The following SGTB variants were observed in gnomAD, a reference collection of about 807,000 sequenced individuals.
SGTB encodes the protein small glutamine-rich tetratricopeptide repeat-containing protein beta.
In SGTB, 19 loss-of-function variants were observed where a neutral mutation model predicts 43.9. The ratio of observed to expected loss-of-function variants is 0.43; its 90% CI spans 0.30 to 0.63. The LOEUF (loss-of-function observed/expected upper bound fraction) is 0.63, where lower values mean the gene tolerates loss of function less well. Ranked by LOEUF, SGTB falls within the 30% of genes least tolerant of loss-of-function variation. The pLI, the probability that SGTB is intolerant of heterozygous loss-of-function variation, is 0.12. For synonymous variants in SGTB, 116 were observed against 117.3 expected, an observed-to-expected ratio of 0.99 and a Z score of 0.07; for missense variants, 304 against 358.9, an observed-to-expected ratio of 0.85 and a Z score of 1.24.
At chr5:65,699,757 C>T (rs1757778495) in intron 5 of SGTB, among the ~76,000 whole-genome samples, 2 of 152,130 alleles carry the variant, frequency 1.3e-5, no homozygotes, top group Non-Finnish European at 2.9e-5. Flanking sequence ...TGCACCCAGC[C>T]AACTTGTTAT....
At chr5:65,675,336 TACTC>T (rs1361403600) in intron 8 of SGTB, among the ~76,000 whole-genome samples, 1 of 152,140 alleles carries the variant, frequency 6.6e-6, no homozygotes, top group African/African-American at 2.4e-5. Context: ...AATGGCCAAA[TACTC>T]AAACTGCAGA....
chr5:65,677,020 A>C (rs1160567454), intron 8 of SGTB, among the ~76,000 whole-genome samples: 1 of 151,970 alleles, frequency 6.6e-6, no homozygotes, highest in Non-Finnish European at 1.5e-5. Flanking sequence ...CCTTCAAAAA[A>C]AAAAAAAATG....
intron 5 of SGTB, among the ~76,000 whole-genome samples, chr5:65,686,156 T>C (rs1161062412): frequency 6.6e-6 from 1 of 152,054 alleles, no homozygotes; most frequent in Non-Finnish European, 1.5e-5. Context: ...TGCTCAGAAG[T>C]CAAAGTGGGG....
chr5:65,677,475 C>T (rs1757305167), intron 8 of SGTB, among the ~76,000 whole-genome samples: 1 of 152,116 alleles, frequency 6.6e-6, no homozygotes, highest in South Asian at 2.1e-4. Flanking sequence ...GATCTCCTCC[C>T]TAATTCATTC....
rs187172653 is a variant in SGTB, at chr5:65,680,066, C to T, written c.681+428G>A. Among the ~76,000 whole-genome samples, 135 of 152,258 alleles carry T rather than the reference C, an allele frequency of 8.9e-4. 2 individuals are homozygous for T. Among genetic ancestry groups the T allele is most frequent in the African/African-American group, 3.2e-3 (134 of 41,544 alleles). ...TACCATTTTACTTAACAAACTAACACAGGAAAAGAAAACCAAATAACACAT... is the reference window on the plus strand; with the variant it reads ...TACCATTTTACTTAACAAACTAACATAGGAAAAGAAAACCAAATAACACAT... On this transcript the variant is annotated intron_variant, in intron 8 of 10. Coordinates refer to ENST00000381007, the MANE Select transcript of SGTB (RefSeq NM_019072.3).
Position 65,670,072 on chromosome 5 carries a change from A to G in SGTB, c.*174T>C, listed in dbSNP as rs913584752. On this transcript the variant is annotated 3_prime_UTR_variant, in exon 11 of 11. Transcript: ENST00000381007. Reference sequence around the variant, plus strand: ...TTTTGAGTTTGTTTGTGATAAACCTATTGTCTAAACAGATTTATTCTTTAA... The same window carrying G: ...TTTTGAGTTTGTTTGTGATAAACCTGTTGTCTAAACAGATTTATTCTTTAA... The G allele has an allele frequency of 4.2e-5, 23 of 541,984 alleles. No individual in the cohort carries two copies. The highest frequency in any genetic ancestry group is 2.7e-4 in the African/African-American group (14 of 51,866). The allele number at this position is 541,984 out of a possible 1,614,324, so 33.6% of individuals were successfully genotyped here.
intron 5 of SGTB, among the ~76,000 whole-genome samples, chr5:65,689,340 T>C (rs1172592845): frequency 2.0e-5 from 3 of 152,194 alleles, no homozygotes; most frequent in East Asian, 3.8e-4. Context: ...AAGGACCATT[T>C]ATCTGATTTG....
At chr5:65,700,089 C>A (rs1757783883) in intron 5 of SGTB, among the ~76,000 whole-genome samples, 1 of 152,076 alleles carries the variant, frequency 6.6e-6, no homozygotes, top group Non-Finnish European at 1.5e-5. Context: ...ATGAACTTAA[C>A]AAATAATGCT....
At chr5:65,693,425 GGGAA>G (rs59665211) in intron 5 of SGTB, among the ~76,000 whole-genome samples, 3,336 of 147,874 alleles carry the variant, frequency 0.023, 117 homozygotes, top group African/African-American at 0.078. Context: ...GAGAGAGAGA[GGGAA>G]GGAAGGAAGG....
intron 6 of SGTB, among the ~76,000 whole-genome samples, chr5:65,684,832 C>G (rs1167537502): frequency 6.6e-6 from 1 of 152,078 alleles, no homozygotes; most frequent in South Asian, 2.1e-4. Context: ...GGATTACAGG[C>G]GTGAGTCACC....
intron 4 of SGTB, among the ~76,000 whole-genome samples, chr5:65,706,621 C>T (rs960874523): frequency 6.6e-6 from 1 of 152,146 alleles, no homozygotes; most frequent in African/African-American, 2.4e-5. Flanking sequence ...CACCTGAGGT[C>T]AGGAGTTTGA....
intron 8 of SGTB, among the ~76,000 whole-genome samples, chr5:65,672,730 A>G (rs1433963035): frequency 6.6e-6 from 1 of 152,228 alleles, no homozygotes; most frequent in African/African-American, 2.4e-5. Context: ...GTGCACACAT[A>G]CTTTTAAAAC....
At chr5:65,704,077 T>A (rs1757882441) in intron 5 of SGTB, among the ~76,000 whole-genome samples, 1 of 151,386 alleles carries the variant, frequency 6.6e-6, no homozygotes, top group Non-Finnish European at 1.5e-5. Flanking sequence ...AATAAATAAA[T>A]TTATGTAAGA....
At chr5:65,711,585 A>T (rs967107686) in intron 3 of SGTB, among the ~76,000 whole-genome samples, 15 of 152,260 alleles carry the variant, frequency 9.9e-5, no homozygotes, top group African/African-American at 3.6e-4. Flanking sequence ...CAAAGGGAAG[A>T]AAAAGGGAGC....
intron 5 of SGTB, among the ~76,000 whole-genome samples, chr5:65,689,374 A>T (rs1561156885): frequency 2.0e-5 from 3 of 152,186 alleles, no homozygotes; most frequent in Non-Finnish European, 4.4e-5. Context: ...TATCACATCT[A>T]CCAAAAAAAC....
intron 5 of SGTB, among the ~76,000 whole-genome samples, chr5:65,689,469 T>C (rs887782553): frequency 4.6e-5 from 7 of 152,222 alleles, no homozygotes; most frequent in Non-Finnish European, 1.5e-5. Context: ...TAATGTCTCC[T>C]GCCCTCATAA....
In SGTB at chr5:65,719,799, G is replaced by A. The variant is rs369992697; in HGVS notation, c.100+909C>T. 9.6e-4 allele frequency among the ~76,000 whole-genome samples: 146 copies of A among 152,178 alleles called. 3 individuals carry two copies. In the South Asian group the frequency reaches 0.028, roughly 29 times the overall value. On this transcript the variant is annotated intron_variant, in intron 2 of 10. Coordinates refer to ENST00000381007, the MANE Select transcript of SGTB (RefSeq NM_019072.3). ...ATCCTGTTCAACTTTACAGATTACC[G>A]AATCCAATATTAAAGTTAACGTAAA...
At chr5:65,707,030 G>A (rs1487829105) in intron 4 of SGTB, among the ~76,000 whole-genome samples, 1 of 152,038 alleles carries the variant, frequency 6.6e-6, no homozygotes, top group Non-Finnish European at 1.5e-5. Flanking sequence ...GGAAGCTGAG[G>A]TGGGCGGATC....
chr5:65,692,605 ACAAT>A (rs1276178717), intron 5 of SGTB, among the ~76,000 whole-genome samples: 7 of 152,206 alleles, frequency 4.6e-5, no homozygotes, highest in African/African-American at 1.7e-4. Context: ...CTCGTGAAAA[ACAAT>A]CAATCAAAAA....
Sources: allele counts gnomAD v4.1 joint callset (sites outside exome capture counted in the v4.1 genomes callset), GRCh38; gene constraint gnomAD v4.1.1; transcripts MANE v1.5; gene names NCBI Gene and HGNC (gene_info 2026-07-23, HGNC 2026-07-21).